The following ART3 variants were observed in gnomAD, a reference collection of about 807,000 sequenced individuals.
ART3 encodes ecto-ADP-ribosyltransferase 3.
ART3 carries 49 observed loss-of-function variants against 48.5 expected under a neutral mutation model. The observed-to-expected ratio is 1.01, with a 90% CI of 0.80 to 1.28. The LOEUF is 1.28. ART3 is among the 50% of genes most tolerant of loss of function. The pLI, the probability that ART3 is intolerant of heterozygous loss-of-function variation, is 0.00. For synonymous variants in ART3, 145 were observed against 157.2 expected (o/e 0.92, Z 0.58); for missense variants, 438 against 454.3 (o/e 0.96, Z 0.33).
At chr4:76,022,869 C>T (rs1578211063) in intron 1 of ART3, 2 of 1,569,162 alleles carry the variant, frequency 1.3e-6, no homozygotes, top group South Asian at 1.2e-5. Context: ...TCATTTTAGG[C>T]ATTTAATGTA....
intron 1 of ART3, among the ~76,000 whole-genome samples, chr4:76,017,856 T>A (rs1732406227): frequency 6.6e-6 from 1 of 152,266 alleles, no homozygotes; most frequent in Admixed American, 6.5e-5. Context: ...TGCTTTCCAC[T>A]GTGACAGAGC....
Position 76,075,161 on chromosome 4 carries a change from G to A in ART3, c.-10+342G>A, listed in dbSNP as rs564773996. The A allele has an allele frequency of 4.1e-4, 62 of 152,278 alleles. 1 individual carries two copies. The highest frequency in any genetic ancestry group is 1.5e-3 in the African/African-American group (62 of 41,554). 9.4% of individuals were successfully genotyped at this position (152,278 alleles called of 1,614,324 possible). On this transcript the variant is annotated intron_variant, in intron 1 of 11. Coordinates refer to ENST00000355810, the MANE Select transcript of ART3 (RefSeq NM_001130016.3). The stretch of plus-strand genomic sequence containing the variant: ...AGGGTAAAATAGAAGCTTCATTTGA[G>A]TTACATTATCATAAATACTGGGATG...
intron 3 of ART3, among the ~76,000 whole-genome samples, chr4:76,086,061 C>CCG (rs1172493459): frequency 4.2e-5 from 5 of 118,284 alleles, no homozygotes; most frequent in African/African-American, 1.7e-4. Context: ...AACAAGAGTC[C>CCG]CCCCCCCCGC....
chr4:76,035,851 G>A lies in ART3; in HGVS notation c.-10+24531G>A. The A allele has an allele frequency of 3.1e-6, 4 of 1,294,260 alleles. 1 individual carries two copies. The South Asian group carries it at 5.0e-5, about 16-fold the overall frequency. The allele number at this position is 1,294,260 out of a possible 1,614,324, so 80.2% of individuals were successfully genotyped here. ...AATAAAACTTTATCATGTCTTTTAGGATAAAAGTGGAAGAAAAGACATTTG... is the reference window on the plus strand; with the variant it reads ...AATAAAACTTTATCATGTCTTTTAGAATAAAAGTGGAAGAAAAGACATTTG... On this transcript the variant is annotated intron_variant, in intron 1 of 9. Transcript: ENST00000341029.
chr4:76,092,980 G>A (rs1318268081), intron 3 of ART3, among the ~76,000 whole-genome samples: 1 of 152,156 alleles, frequency 6.6e-6, no homozygotes, highest in African/African-American at 2.4e-5. Flanking sequence ...CCTGACATAA[G>A]TCTTGCTGAG....
chr4:76,052,531 G>A (rs1005356791), intron 1 of ART3, among the ~76,000 whole-genome samples: 5 of 151,864 alleles, frequency 3.3e-5, no homozygotes, highest in Non-Finnish European at 7.4e-5. Flanking sequence ...GTGAAATTAG[G>A]GCTTTTAGTG....
chr4:76,087,904 A>G (rs1435105312), intron 3 of ART3, among the ~76,000 whole-genome samples: 1 of 152,218 alleles, frequency 6.6e-6, no homozygotes, highest in Admixed American at 6.5e-5. Flanking sequence ...TGTTAGCTGT[A>G]TAATCAAGCT....
chr4:76,013,958 G>A (rs1333429515), intron 1 of ART3, among the ~76,000 whole-genome samples: 2 of 152,094 alleles, frequency 1.3e-5, no homozygotes, highest in East Asian at 3.8e-4. Flanking sequence ...TTTTGACCTT[G>A]TAAATATCTA....
chr4:76,038,331 T>C (rs947039908), intron 1 of ART3, among the ~76,000 whole-genome samples: 33 of 152,208 alleles, frequency 2.2e-4, no homozygotes, highest in Non-Finnish European at 4.4e-5. Flanking sequence ...TAGGTATATA[T>C]GTACAGGAAA....
At chr4:76,015,525 TA>T (rs1318409748) in intron 1 of ART3, among the ~76,000 whole-genome samples, 1 of 152,182 alleles carries the variant, frequency 6.6e-6, no homozygotes, top group Non-Finnish European at 1.5e-5. Context: ...ATAAGACACT[TA>T]AAAAATTCAA....
chr4:76,029,958 C>T (rs901696915), intron 1 of ART3, among the ~76,000 whole-genome samples: 1 of 152,194 alleles, frequency 6.6e-6, no homozygotes, highest in Admixed American at 6.5e-5. Context: ...CAGAACTATT[C>T]TTTCAGACCT....
chr4:76,104,893 G>A (rs1238071600), intron 10 of ART3, among the ~76,000 whole-genome samples: 1 of 152,062 alleles, frequency 6.6e-6, no homozygotes, highest in Non-Finnish European at 1.5e-5. Flanking sequence ...TTGTTATTAT[G>A]GAAATGATGA....
chr4:76,080,711 A>T (rs34149147), intron 2 of ART3, among the ~76,000 whole-genome samples: 16,333 of 151,940 alleles, frequency 0.11, 949 homozygotes, highest in South Asian at 0.16. Flanking sequence ...GGGTTTCATC[A>T]TGTTAGCCAG....
chr4:76,017,560 C>T (rs185382077), intron 1 of ART3, among the ~76,000 whole-genome samples: 36 of 151,898 alleles, frequency 2.4e-4, no homozygotes, highest in Non-Finnish European at 3.7e-4. Flanking sequence ...TGCAAGCACT[C>T]TCTTTGCTGT....
intron 1 of ART3, among the ~76,000 whole-genome samples, chr4:76,060,556 C>A (rs1309912515): frequency 6.6e-6 from 1 of 152,166 alleles, no homozygotes; most frequent in Non-Finnish European, 1.5e-5. Flanking sequence ...GATTTCCATG[C>A]CCTAATTCCT....
intron 1 of ART3, among the ~76,000 whole-genome samples, chr4:76,054,662 A>G (rs1718506095): frequency 6.7e-6 from 1 of 149,832 alleles, no homozygotes; most frequent in Admixed American, 6.7e-5. Flanking sequence ...TGAGACCCCC[A>G]TCTCTACTAA....
At chr4:76,019,645 A>G (rs991700002) in intron 1 of ART3, among the ~76,000 whole-genome samples, 2 of 148,986 alleles carry the variant, frequency 1.3e-5, no homozygotes, top group African/African-American at 5.0e-5. Flanking sequence ...TAGTAGAGAC[A>G]GGGTTTCACC....
intron 1 of ART3, among the ~76,000 whole-genome samples, chr4:76,063,558 T>C (rs1409094715): frequency 6.6e-6 from 1 of 152,102 alleles, no homozygotes; most frequent in East Asian, 1.9e-4. Context: ...CTGAATTTTG[T>C]TGAAAAAATT....
chr4:76,093,228 C>T (rs11097229), intron 3 of ART3, among the ~76,000 whole-genome samples: 6,491 of 152,080 alleles, frequency 0.043, 418 homozygotes, highest in African/African-American at 0.14. Flanking sequence ...TTGAGACCAG[C>T]CTGGGCAACA....
Sources: gnomAD v4.1 joint callset for allele counts (sites outside exome capture counted in the v4.1 genomes callset) on GRCh38, gnomAD v4.1.1 for gene constraint, MANE v1.5 for transcripts, NCBI Gene and HGNC (gene_info 2026-07-23, HGNC 2026-07-21) for gene names.